Variants in PEX7 observed in about 807,000 individuals in gnomAD.
PEX7 encodes the protein PTS2 receptor.
A neutral mutation model predicts 47.5 loss-of-function variants in PEX7; 34 were observed. The ratio of observed to expected loss-of-function variants is 0.72; its 90% CI spans 0.54 to 0.95. PEX7 has a LOEUF of 0.95. PEX7 is among the 40% of genes least tolerant of loss of function. The pLI is 0.00. For missense variants in PEX7, 394 were observed against 400.3 expected, an observed-to-expected ratio of 0.98 and a Z score of 0.13; for synonymous variants, 141 against 148.8, an observed-to-expected ratio of 0.95 and a Z score of 0.38.
At chr6:136,869,837 T>C in intron 6 of PEX7, 53 bp from the exon 7 acceptor site, 1 of 1,289,936 alleles carries the variant, frequency 7.8e-7, no homozygotes, top group Non-Finnish European at 1.1e-6. Context: ...AAAGCCTGCA[T>C]ACTGTTTAAT....
intron 9 of PEX7, among the ~76,000 whole-genome samples, chr6:136,905,647 CA>C (rs1296250537): frequency 2.0e-5 from 3 of 152,188 alleles, no homozygotes; most frequent in Non-Finnish European, 2.9e-5. Context: ...CTCTTTGCTA[CA>C]TATCTTCATC....
At chr6:136,845,761 C>G (rs903484455) in intron 4 of PEX7, 69 bp downstream of exon 4, 5 of 959,672 alleles carry the variant, frequency 5.2e-6, no homozygotes, top group Admixed American at 5.1e-5. Flanking sequence ...ATTTTCTTCT[C>G]TTTTTCCAAC....
At chr6:136,844,686 C>G (rs1774562796) in intron 3 of PEX7, among the ~76,000 whole-genome samples, 1 of 152,164 alleles carries the variant, frequency 6.6e-6, no homozygotes, top group Non-Finnish European at 1.5e-5. Context: ...AAACACTACT[C>G]TACTGTATGT....
chr6:136,840,769 C>T (rs1356519074), intron 3 of PEX7, among the ~76,000 whole-genome samples: 2 of 152,178 alleles, frequency 1.3e-5, no homozygotes, highest in Non-Finnish European at 2.9e-5. Flanking sequence ...TTCAACCTTG[C>T]TCTTCCCTGA....
intron 3 of PEX7, 128 bp from the exon 4 acceptor site, chr6:136,845,487 T>G (rs982579812): frequency 5.6e-6 from 4 of 716,464 alleles, no homozygotes; most frequent in African/African-American, 1.7e-5. Flanking sequence ...TTGAGATGGA[T>G]AGGAATTATT....
At chr6:136,837,223 G>A (rs1189274541) in intron 3 of PEX7, among the ~76,000 whole-genome samples, 1 of 151,766 alleles carries the variant, frequency 6.6e-6, no homozygotes, top group African/African-American at 2.4e-5. Context: ...AATTAGCCGG[G>A]TGTGGTGGCG....
At chr6:136,859,517 G>C (rs550308225) in intron 5 of PEX7, among the ~76,000 whole-genome samples, 220 of 152,162 alleles carry the variant, frequency 1.4e-3, no homozygotes, top group African/African-American at 5.1e-3. Context: ...TCGTTCTACT[G>C]TAAGAAAAAG....
intron 9 of PEX7, among the ~76,000 whole-genome samples, chr6:136,904,526 G>A (rs1775808658): frequency 6.6e-6 from 1 of 152,056 alleles, no homozygotes; most frequent in South Asian, 2.1e-4. Context: ...AACCCGGTGG[G>A]AGGTGATTGA....
chr6:136,908,434 AC>A (rs1775878601), intron 9 of PEX7, among the ~76,000 whole-genome samples: 1 of 152,282 alleles, frequency 6.6e-6, no homozygotes, highest in East Asian at 1.9e-4. Context: ...ATTTTGACAA[AC>A]CATTTTTTTT....
chr6:136,890,651 C>G lies in PEX7; in HGVS notation c.804-7491C>G, dbSNP rs71560617. Among the ~76,000 whole-genome samples the G allele has an allele frequency of 5.1e-3, 774 of 152,226 alleles. 5 individuals carry two copies. Among genetic ancestry groups the G allele is most frequent in the Non-Finnish European group, 8.2e-3 (558 of 68,028 alleles). On this transcript the variant is annotated intron_variant, in intron 8 of 9. Coordinates refer to ENST00000318471, the MANE Select transcript of PEX7 (RefSeq NM_000288.4). ...GATCCTTGTAAGCAGTGCAGACATTCCACTACATGACAGCCTGAGTAGGTT... is the reference window on the plus strand; with the variant it reads ...GATCCTTGTAAGCAGTGCAGACATTGCACTACATGACAGCCTGAGTAGGTT...
At chr6:136,823,831 G>A (rs1192186560) in intron 1 of PEX7, among the ~76,000 whole-genome samples, 1 of 151,816 alleles carries the variant, frequency 6.6e-6, no homozygotes, top group African/African-American at 2.4e-5. Flanking sequence ...CAGAGGTTGC[G>A]GTGAGCCGAG....
intron 9 of PEX7, among the ~76,000 whole-genome samples, chr6:136,903,530 G>A (rs1775790013): frequency 6.6e-6 from 1 of 151,672 alleles, no homozygotes; most frequent in Admixed American, 6.6e-5. Flanking sequence ...GGAACATGTA[G>A]CTCCTATATA....
intron 8 of PEX7, among the ~76,000 whole-genome samples, chr6:136,888,824 C>A (rs1775509863): frequency 6.6e-6 from 1 of 151,990 alleles, no homozygotes; most frequent in Admixed American, 6.6e-5. Flanking sequence ...TTAAATATTT[C>A]TGAAGCAGTC....
intron 3 of PEX7, among the ~76,000 whole-genome samples, chr6:136,842,890 G>A (rs1399703155): frequency 2.6e-5 from 4 of 152,154 alleles, no homozygotes; most frequent in Admixed American, 1.3e-4. Context: ...GGGATGTAAT[G>A]GGGCACGTCT....
chr6:136,881,563 C>T (rs1421471308), intron 8 of PEX7, among the ~76,000 whole-genome samples: 1 of 152,166 alleles, frequency 6.6e-6, no homozygotes, highest in Non-Finnish European at 1.5e-5. Flanking sequence ...AGAGAAAAAT[C>T]TAATGACTAC....
chr6:136,904,535 G>T (rs1192575714), intron 9 of PEX7, among the ~76,000 whole-genome samples: 1 of 151,760 alleles, frequency 6.6e-6, no homozygotes, highest in African/African-American at 2.4e-5. Flanking sequence ...GGAGGTGATT[G>T]AATTATGGGG....
At chr6:136,835,511 A>C (rs1288603728) in intron 3 of PEX7, among the ~76,000 whole-genome samples, 1 of 151,020 alleles carries the variant, frequency 6.6e-6, no homozygotes, top group African/African-American at 2.4e-5. Context: ...CTGGTCTCGA[A>C]CTCCTGACCT....
chr6:136,900,561 C>CTG lies in PEX7; in HGVS notation c.903+2325_903+2326dup, dbSNP rs1391227599. On this transcript the variant is annotated intron_variant, in intron 9 of 9. Transcript: ENST00000318471. The surrounding 1 kb of genome is among the most constrained non-coding windows in gnomAD (Gnocchi z 4.2). ...AAGCCCTTTTGTCTTCCGAGTTAATCTGTGTGAAGGTGATGGTGGTGTGGG... is the reference window on the plus strand; with the variant it reads ...AAGCCCTTTTGTCTTCCGAGTTAATCTGTGTGTGAAGGTGATGGTGGTGTGGG... 6.9e-6 allele frequency: 3 copies of CTG among 432,216 alleles called. No homozygotes were observed. The highest frequency in any genetic ancestry group is 1.4e-5 in the Non-Finnish European group (3 of 217,272). The allele number at this position is 432,216 out of a possible 1,614,324, so 26.8% of individuals were successfully genotyped here.
At chr6:136,849,665 G>C (rs1774700015) in intron 5 of PEX7, among the ~76,000 whole-genome samples, 1 of 152,200 alleles carries the variant, frequency 6.6e-6, no homozygotes, top group Non-Finnish European at 1.5e-5. Flanking sequence ...CTGTGGTTTT[G>C]AGTGAGTTTC....
Sources: gnomAD v4.1 joint callset for allele counts (sites outside exome capture counted in the v4.1 genomes callset) on GRCh38, gnomAD v4.1.1 for gene constraint, Gnocchi (gnomAD v3.1) non-coding constraint, MANE v1.5 for transcripts, NCBI Gene and HGNC (gene_info 2026-07-23, HGNC 2026-07-21) for gene names.